Variants in PCCA observed in about 807,000 individuals in gnomAD.
PCCA encodes the protein propionyl-CoA carboxylase subunit alpha.
A neutral mutation model predicts 101.3 loss-of-function variants in PCCA; 74 were observed. That is an observed-to-expected ratio of 0.73 (90% CI 0.61 to 0.89). PCCA has a LOEUF of 0.89. Among genes scored for constraint, PCCA ranks in the 40% least tolerant of loss-of-function variants. PCCA has a pLI of 0.00. For missense variants in PCCA, 891 were observed against 907.0 expected (o/e 0.98, Z 0.23); for synonymous variants, 294 against 313.6 (o/e 0.94, Z 0.66).
At chr13:100,454,397 A>T (rs2081565325) in intron 21 of PCCA, among the ~76,000 whole-genome samples, 1 of 152,188 alleles carries the variant, frequency 6.6e-6, no homozygotes, top group African/African-American at 2.4e-5. Context: ...GTTTTACTGA[A>T]TTTTTCTGTG....
chr13:100,181,719 A>ATCCCCAAACT (rs1296593864), intron 6 of PCCA, among the ~76,000 whole-genome samples: 4 of 151,238 alleles, frequency 2.6e-5, no homozygotes, highest in South Asian at 4.2e-4. Context: ...GGGGACTGAA[A>ATCCCCAAACT]GAACACTTAG....
chr13:100,375,205 A>T (rs2075824884), intron 19 of PCCA, among the ~76,000 whole-genome samples: 1 of 152,066 alleles, frequency 6.6e-6, no homozygotes, highest in Non-Finnish European at 1.5e-5. Context: ...CCTGAGTTCT[A>T]ATTTGATTGC....
Position 100,530,406 on chromosome 13 carries a change from T to TAAATC in PCCA, c.*243_*247dup. The TAAATC allele has an allele frequency of 1.7e-6, 1 of 590,608 alleles. No individual in the cohort carries two copies. 36.6% of individuals were successfully genotyped at this position (590,608 alleles called of 1,614,324 possible). A position where few individuals can be genotyped will look rare whatever the true frequency, so the allele number is the denominator to read the frequency against. On this transcript the variant is annotated 3_prime_UTR_variant, in exon 24 of 24. Transcript: ENST00000376285. ...CTGTGAGATTCCCTAGTGTCAAAATTAAATCAATAAAACTGAGCATTTGTC... is the reference window on the plus strand; with the variant it reads ...CTGTGAGATTCCCTAGTGTCAAAATTAAATCAAATCAATAAAACTGAGCATTTGTC...
intron 18 of PCCA, among the ~76,000 whole-genome samples, chr13:100,359,790 T>C (rs1008725252): frequency 1.3e-5 from 2 of 152,144 alleles, no homozygotes; most frequent in African/African-American, 2.4e-5. Flanking sequence ...ATGAAATAAA[T>C]TAAAAATCAG....
intron 12 of PCCA, among the ~76,000 whole-genome samples, chr13:100,291,069 T>C (rs1232353846): frequency 1.3e-5 from 2 of 152,234 alleles, no homozygotes; most frequent in Non-Finnish European, 2.9e-5. Flanking sequence ...AACAACAGTT[T>C]ACATAGCATT....
chr13:100,100,008 A>G (rs1002757316), intron 1 of PCCA, among the ~76,000 whole-genome samples: 2 of 152,202 alleles, frequency 1.3e-5, no homozygotes, highest in African/African-American at 2.4e-5. Context: ...TAATTTTAAG[A>G]AAGAAGGTGA....
intron 18 of PCCA, among the ~76,000 whole-genome samples, chr13:100,367,645 G>GTTTTTTTTTTT (rs548639518): frequency 7.9e-6 from 1 of 125,812 alleles, no homozygotes; most frequent in African/African-American, 2.9e-5. Context: ...TTTTTTTTTT[G>GTTTTTTTTTTT]TTTTTTTTTT....
intron 2 of PCCA, among the ~76,000 whole-genome samples, chr13:100,108,010 A>G (rs1326383104): frequency 6.6e-6 from 1 of 152,126 alleles, no homozygotes; most frequent in Non-Finnish European, 1.5e-5. Context: ...TTCTCAGAAG[A>G]GTTGGGCAAG....
chr13:100,154,099 A>G (rs1471605538), intron 4 of PCCA, among the ~76,000 whole-genome samples: 2 of 152,012 alleles, frequency 1.3e-5, no homozygotes, highest in African/African-American at 4.8e-5. Context: ...TTTGTGTTCC[A>G]GTTTTTATAT....
intron 7 of PCCA, among the ~76,000 whole-genome samples, chr13:100,234,548 G>A (rs975153057): frequency 2.0e-5 from 3 of 151,622 alleles, no homozygotes; most frequent in African/African-American, 7.3e-5. Context: ...ACCTATTTGT[G>A]GAGCAGACTG....
intron 2 of PCCA, among the ~76,000 whole-genome samples, chr13:100,103,192 G>C (rs1157020656): frequency 6.6e-6 from 1 of 152,104 alleles, no homozygotes; most frequent in Non-Finnish European, 1.5e-5. Flanking sequence ...AGCAAAAATT[G>C]AATGCATTTA....
At position 100,157,283 on chromosome 13, in the gene PCCA, T is replaced by G; in HGVS notation, c.415-4T>G. Reference sequence around the variant, plus strand: ...TGAAAGTGCTTTTTGCTTTCATTTCTAAGGTACATCCAGGTTATGGATTCC... The same window carrying G: ...TGAAAGTGCTTTTTGCTTTCATTTCGAAGGTACATCCAGGTTATGGATTCC... On this transcript the variant is annotated splice_region_variant and splice_polypyrimidine_tract_variant and intron_variant, in intron 5 of 23. Coordinates refer to ENST00000376285, the MANE Select transcript of PCCA (RefSeq NM_000282.4). 1 of 1,607,524 alleles carries G rather than the reference T, an allele frequency of 6.2e-7. No homozygotes were observed. The highest frequency in any genetic ancestry group is 8.5e-7 in the Non-Finnish European group (1 of 1,174,242).
intron 7 of PCCA, among the ~76,000 whole-genome samples, chr13:100,235,515 C>G (rs960722629): frequency 6.6e-6 from 1 of 152,106 alleles, no homozygotes; most frequent in Non-Finnish European, 1.5e-5. Context: ...GCTTTAATGA[C>G]CTGATTTATG....
intron 4 of PCCA, among the ~76,000 whole-genome samples, chr13:100,137,146 G>A (rs1362822289): frequency 6.6e-6 from 1 of 151,806 alleles, no homozygotes; most frequent in Non-Finnish European, 1.5e-5. Context: ...TAATTTCCAA[G>A]CATTTGGAGA....
intron 4 of PCCA, among the ~76,000 whole-genome samples, chr13:100,135,415 C>T (rs771830156): frequency 1.3e-5 from 2 of 151,722 alleles, no homozygotes; most frequent in Non-Finnish European, 2.9e-5. Flanking sequence ...TTGTTTAGGC[C>T]GGTGACAGAG....
intron 6 of PCCA, among the ~76,000 whole-genome samples, chr13:100,208,225 G>A (rs2058988534): frequency 1.3e-5 from 2 of 152,016 alleles, no homozygotes; most frequent in Admixed American, 1.3e-4. Context: ...TCCTGCTCGG[G>A]GTGGGTTTAA....
intron 19 of PCCA, among the ~76,000 whole-genome samples, chr13:100,407,092 T>G (rs992289892): frequency 6.6e-6 from 1 of 152,188 alleles, no homozygotes; most frequent in Non-Finnish European, 1.5e-5. Context: ...TCTCCATGGT[T>G]TACAATAACT....
intron 8 of PCCA, among the ~76,000 whole-genome samples, chr13:100,253,106 C>T (rs1275769104): frequency 2.6e-5 from 4 of 152,082 alleles, no homozygotes; most frequent in South Asian, 2.1e-4. Flanking sequence ...TTATTCCCTC[C>T]GTGTTATAGC....
chr13:100,125,040 C>T (rs1247070785), intron 4 of PCCA, among the ~76,000 whole-genome samples: 1 of 151,960 alleles, frequency 6.6e-6, no homozygotes, highest in Non-Finnish European at 1.5e-5. Context: ...GGAGCTGATG[C>T]CTATCACTGA....
Sources: gnomAD v4.1 joint callset for allele counts (sites outside exome capture counted in the v4.1 genomes callset) on GRCh38, gnomAD v4.1.1 for gene constraint, MANE v1.5 for transcripts, NCBI Gene and HGNC (gene_info 2026-07-23, HGNC 2026-07-21) for gene names.